The following APPBP2 variants were observed in gnomAD, a reference collection of about 807,000 sequenced individuals.
APPBP2 encodes the protein amyloid beta precursor protein binding protein 2, also known as amyloid protein-binding protein 2.
APPBP2 carries 15 observed loss-of-function variants against 76.0 expected under a neutral mutation model. The observed-to-expected ratio is 0.20, with a 90% confidence interval of 0.13 to 0.30. APPBP2 has a LOEUF of 0.30. Ranked by LOEUF, APPBP2 falls within the 10% of genes least tolerant of loss-of-function variation. APPBP2 has a pLI of 1.00. For synonymous variants in APPBP2, 222 were observed against 242.2 expected (o/e 0.92, Z 0.77); for missense variants, 401 against 687.2 (o/e 0.58, Z 4.66).
intron 10 of APPBP2, among the ~76,000 whole-genome samples, chr17:60,455,313 T>C (rs9910843): frequency 0.078 from 11,941 of 152,242 alleles, 1,583 homozygotes; most frequent in African/African-American, 0.27. Context: ...CACCAAAATG[T>C]TGACTGAGGA....
intron 12 of APPBP2, among the ~76,000 whole-genome samples, chr17:60,449,947 G>GC (rs199821659): frequency 1 from 151,805 of 151,812 alleles, 75,899 homozygotes; most frequent in Middle Eastern, 1. Flanking sequence ...CAGGCGTACT[G>GC]TACCACGCCC....
At chr17:60,487,085 C>A (rs1409555385) in intron 3 of APPBP2, among the ~76,000 whole-genome samples, 1 of 152,116 alleles carries the variant, frequency 6.6e-6, no homozygotes, top group Non-Finnish European at 1.5e-5. Context: ...ATGGGGTTCC[C>A]TTTGTGGGTA....
At chr17:60,497,180 G>T (rs543720135) in intron 2 of APPBP2, among the ~76,000 whole-genome samples, 1 of 152,280 alleles carries the variant, frequency 6.6e-6, no homozygotes, top group South Asian at 2.1e-4. Flanking sequence ...CCATAAAAAA[G>T]AATGAGATCC....
intron 3 of APPBP2, 59 bp from the exon 4 acceptor site, chr17:60,479,330 T>C (rs1019225508): frequency 2.0e-6 from 3 of 1,503,704 alleles, no homozygotes; most frequent in Middle Eastern, 1.7e-4. Context: ...CAAGATAAAA[T>C]GACATGCTGA....
intron 1 of APPBP2, among the ~76,000 whole-genome samples, chr17:60,516,596 T>A (rs2143496327): frequency 6.6e-6 from 1 of 152,350 alleles, no homozygotes; most frequent in African/African-American, 2.4e-5. Context: ...TACGTGACTA[T>A]CCCACTATTT....
chr17:60,499,349 T>C (rs1454264131), intron 2 of APPBP2, among the ~76,000 whole-genome samples: 1 of 149,134 alleles, frequency 6.7e-6, no homozygotes. Context: ...AAAAAAAATA[T>C]GGAAAACAGT....
intron 1 of APPBP2, among the ~76,000 whole-genome samples, chr17:60,520,839 G>A (rs1169060524): frequency 6.6e-6 from 1 of 152,094 alleles, no homozygotes; most frequent in Admixed American, 6.6e-5. Flanking sequence ...TGGGATTACA[G>A]GTGTGAGCTA....
At chr17:60,452,430 A>C (rs2090401834) in intron 11 of APPBP2, among the ~76,000 whole-genome samples, 1 of 152,238 alleles carries the variant, frequency 6.6e-6, no homozygotes, top group South Asian at 2.1e-4. Flanking sequence ...TCCAAAATTT[A>C]GTTGAACCTT....
chr17:60,505,516 G>T (rs752255193), intron 1 of APPBP2, among the ~76,000 whole-genome samples: 1 of 150,868 alleles, frequency 6.6e-6, no homozygotes, highest in Non-Finnish European at 1.5e-5. Context: ...GGGGCTTCAC[G>T]GTGTTAGCCA....
intron 3 of APPBP2, among the ~76,000 whole-genome samples, chr17:60,492,045 CCT>C (rs968168474): frequency 9.2e-5 from 14 of 152,300 alleles, no homozygotes; most frequent in East Asian, 3.9e-4. Flanking sequence ...GACTTGGACC[CCT>C]GTGTCCCAGC....
At chr17:60,477,843 AAAG>A (rs2143375727) in intron 4 of APPBP2, among the ~76,000 whole-genome samples, 1 of 151,836 alleles carries the variant, frequency 6.6e-6, no homozygotes, top group East Asian at 1.9e-4. Context: ...ATTTTAGCTT[AAAG>A]CAACAATAAT....
intron 9 of APPBP2, 98 bp from the exon 10 acceptor site, chr17:60,456,479 T>C: frequency 2.5e-6 from 2 of 796,570 alleles, no homozygotes; most frequent in Non-Finnish European, 4.2e-6. Flanking sequence ...TGATAGAAAG[T>C]ACTTCTAAAA....
chr17:60,519,778 AT>A (rs748167583), intron 1 of APPBP2, among the ~76,000 whole-genome samples: 11,178 of 117,794 alleles, frequency 0.095, 338 homozygotes, highest in African/African-American at 0.26. Context: ...GCCAAATTTA[AT>A]TTTTTTTTTT....
intron 11 of APPBP2, among the ~76,000 whole-genome samples, chr17:60,453,332 T>TGA (rs2090409239): frequency 6.6e-6 from 1 of 151,000 alleles, no homozygotes; most frequent in African/African-American, 2.4e-5. Context: ...TACAGGTGCA[T>TGA]GCCACCATGC....
At position 60,524,649 on chromosome 17, in the gene APPBP2, A is replaced by G. The variant is rs1054716354; in HGVS notation, c.138+1145T>C. On this transcript the variant is annotated intron_variant, in intron 1 of 12. Coordinates refer to ENST00000083182, the MANE Select transcript of APPBP2 (RefSeq NM_006380.5). ...AAAAAAAAAAAAAATCTAGGGGTGGAGAAAGCAGGCAATCTTCCCAATAAA... is the reference window on the plus strand; with the variant it reads ...AAAAAAAAAAAAAATCTAGGGGTGGGGAAAGCAGGCAATCTTCCCAATAAA... 4.9e-4 allele frequency among the ~76,000 whole-genome samples: 73 copies of G among 149,236 alleles called. 1 individual carries two copies. Among genetic ancestry groups the G allele is most frequent in the African/African-American group, 1.7e-3 (69 of 40,918 alleles).
chr17:60,495,215 T>C (rs1282602656), intron 2 of APPBP2, among the ~76,000 whole-genome samples: 1 of 151,690 alleles, frequency 6.6e-6, no homozygotes, highest in African/African-American at 2.4e-5. Flanking sequence ...CTCAATCTCT[T>C]GACCTTGTGA....
At chr17:60,508,627 A>G (rs1216392627) in intron 1 of APPBP2, among the ~76,000 whole-genome samples, 1 of 152,112 alleles carries the variant, frequency 6.6e-6, no homozygotes, top group East Asian at 1.9e-4. Flanking sequence ...CTGCCTAAAG[A>G]AGTCTAACTA....
At chr17:60,453,880 T>C (rs190353823) in intron 11 of APPBP2, among the ~76,000 whole-genome samples, 81 of 152,102 alleles carry the variant, frequency 5.3e-4, no homozygotes, top group Non-Finnish European at 1.9e-4. Flanking sequence ...GACTATTGTT[T>C]GTTTGTTTTA....
At chr17:60,469,191 T>A (rs2090533003) in intron 4 of APPBP2, among the ~76,000 whole-genome samples, 1 of 151,856 alleles carries the variant, frequency 6.6e-6, no homozygotes. Flanking sequence ...CTTGGCATGG[T>A]GGTGCGTGCC....
Sources: gnomAD v4.1 joint callset for allele counts (sites outside exome capture counted in the v4.1 genomes callset) on GRCh38, gnomAD v4.1.1 for gene constraint, MANE v1.5 for transcripts, NCBI Gene and HGNC (gene_info 2026-07-23, HGNC 2026-07-21) for gene names.